PTPRN: variants seen among roughly 807,000 people sequenced by gnomAD.
The protein encoded by PTPRN is receptor-type tyrosine-protein phosphatase-like N.
In PTPRN, 70 loss-of-function variants were observed where a neutral mutation model predicts 108.5. The observed-to-expected ratio is 0.65, with a 90% CI of 0.53 to 0.79. The LOEUF (loss-of-function observed/expected upper bound fraction) is 0.79, where lower values mean the gene tolerates loss of function less well. Ranked by LOEUF, PTPRN falls within the 30% of genes least tolerant of loss-of-function variation. The pLI, the probability that PTPRN is intolerant of heterozygous loss-of-function variation, is 0.00. For missense variants in PTPRN, 1,136 were observed against 1,295.5 expected, an observed-to-expected ratio of 0.88 and a Z score of 1.89; for synonymous variants, 496 against 524.6, an observed-to-expected ratio of 0.95 and a Z score of 0.75.
rs147642686 is a variant in PTPRN at position 219,309,136 on chromosome 2, C to T, written c.115+82G>A. 218 of 1,459,786 alleles carry T rather than the reference C, an allele frequency of 1.5e-4. No homozygotes were observed. In the East Asian group the frequency reaches 3.9e-3, roughly 26 times the overall value. The allele number at this position is 1,459,786 out of a possible 1,614,324, so 90.4% of individuals were successfully genotyped here. A position where few individuals can be genotyped will look rare whatever the true frequency, so the allele number is the denominator to read the frequency against. On this transcript the variant is annotated intron_variant, in intron 1 of 22. Transcript: ENST00000295718. ...TCTCCCCGAGCTTCATGACATTTCA[C>T]CCTCACCCCCACCGAGTTTCGCTCC...
chr2:219,307,420 T>C, intron 3 of PTPRN, 24 bp downstream of exon 3: 1 of 1,594,402 alleles, frequency 6.3e-7, no homozygotes, highest in Non-Finnish European at 8.6e-7. Context: ...CCAATCTCTC[T>C]CCTCCAGTGC....
chr2:219,294,556 G>A (rs998139889), intron 19 of PTPRN, among the ~76,000 whole-genome samples: 1 of 152,058 alleles, frequency 6.6e-6, no homozygotes, highest in Non-Finnish European at 1.5e-5. Context: ...AGGCGGGAGT[G>A]AGAGACGGAG....
intron 19 of PTPRN, chr2:219,291,779 G>T: frequency 1.8e-6 from 1 of 558,258 alleles, no homozygotes; most frequent in Non-Finnish European, 3.2e-6. Flanking sequence ...ACCTCTTTGA[G>T]CCTCAGTTTT....
rs554511162 is a variant in PTPRN, at chr2:219,296,079, T to G, written c.2508+147A>C. On this transcript the variant is annotated intron_variant, in intron 18 of 22. Transcript: ENST00000295718. The surrounding 1 kb of genome is among the most constrained non-coding windows in gnomAD (Gnocchi z 6.0). The stretch of plus-strand genomic sequence containing the variant: ...GTATGCATATATGTGTTTATATATA[T>G]TCATATATGTATGAATCATGAGCAG... The G allele has an allele frequency of 8.9e-7, 1 of 1,120,610 alleles. No homozygotes were observed. Among genetic ancestry groups the G allele is most frequent in the African/African-American group, 1.6e-5 (1 of 64,296 alleles). 69.4% of individuals were successfully genotyped at this position (1,120,610 alleles called of 1,614,324 possible).
At chr2:219,294,849 A>G in intron 19 of PTPRN, 126 bp downstream of exon 19, 6 of 995,204 alleles carry the variant, frequency 6.0e-6, no homozygotes, top group Non-Finnish European at 8.2e-6. Context: ...TGGGGTCTGG[A>G]GCGGGCGGCC....
At chr2:219,300,395 A>T in intron 8 of PTPRN, 136 bp from the exon 9 acceptor site, 1 of 835,186 alleles carries the variant, frequency 1.2e-6, no homozygotes, top group Middle Eastern at 3.7e-4. Flanking sequence ...AGTGCTGGGT[A>T]CAGAGAGGAC....
intron 3 of PTPRN, among the ~76,000 whole-genome samples, chr2:219,304,491 CA>C (rs983823983): frequency 2.0e-5 from 3 of 152,014 alleles, no homozygotes; most frequent in East Asian, 1.9e-4. Flanking sequence ...CTCTTTCCCC[CA>C]AAAAAACTCT....
rs1047898336 is a variant in PTPRN at position 219,290,958 on chromosome 2, A to AGGAGGCCT, written c.2730-76_2730-69dup. 8 of 1,521,536 alleles carry AGGAGGCCT rather than the reference A, an allele frequency of 5.3e-6. No homozygotes were observed. The highest frequency in any genetic ancestry group is 2.2e-5 in the South Asian group (2 of 88,984). The allele number at this position is 1,521,536 out of a possible 1,614,324, so 94.3% of individuals were successfully genotyped here. A position where few individuals can be genotyped will look rare whatever the true frequency, so the allele number is the denominator to read the frequency against. The stretch of plus-strand genomic sequence containing the variant: ...GAAAGGGGGAGGGACGGAGGAGGCG[A>AGGAGGCCT]GGAGGCCTGGAGGCCTGGGGGAGGG... On this transcript the variant is annotated intron_variant, in intron 20 of 22. Transcript: ENST00000295718. This position sits in a 1 kb window ranked among gnomAD's most constrained non-coding sequence, Gnocchi z 4.2.
chr2:219,300,254 C>T lies in PTPRN; in HGVS notation c.1167G>A (p.Met389Ile). 2 of 1,566,234 alleles carry T rather than the reference C, an allele frequency of 1.3e-6. No homozygotes were observed. The highest frequency in any genetic ancestry group is 1.7e-6 in the Non-Finnish European group (2 of 1,154,746). ...TGTCTCTGCCCTCCACCGGCCCCTCCATTGTCTGTTCAGAAGAGGGTGGAG... is the reference window on the plus strand; with the variant it reads ...TGTCTCTGCCCTCCACCGGCCCCTCTATTGTCTGTTCAGAAGAGGGTGGAG... The part of the protein sequence containing the change: ...VNVGADIKKT[M>I]EGPVEGRDTA... The change falls in exon 9 of 23, where the codon ATG (methionine) becomes ATA (isoleucine). Residue 389 changes from methionine to isoleucine, a missense_variant. Transcript: ENST00000295718.
In PTPRN at chr2:219,302,292, T is replaced by C. The variant is rs1952370203; in HGVS notation, c.839A>G (p.Tyr280Cys). 2 of 1,614,082 alleles carry C rather than the reference T, an allele frequency of 1.2e-6. No homozygotes were observed. The highest frequency in any genetic ancestry group is 4.5e-5 in the East Asian group (2 of 44,864). The change falls in exon 6 of 23, where the codon TAT (tyrosine) becomes TGT (cysteine). Residue 280 changes from tyrosine (Y) to cysteine (C), a missense_variant. Tyr to Cys is a radical substitution (Grantham distance 194). Transcript: ENST00000295718. ...AQLFQDSGLL[Y>C]LAQELPAPSR... ...GGGTGCTGGCAACTCCTGGGCCAGA[T>C]AGAGCAGCCCAGAGTCTTGAAAAAG...
chr2:219,296,319 G>A lies in PTPRN; in HGVS notation c.2415C>T (p.Val805=), dbSNP rs749897635. The A allele has an allele frequency of 1.2e-6, 2 of 1,614,098 alleles. No homozygotes were observed. The highest frequency in any genetic ancestry group is 3.3e-5 in the Admixed American group (2 of 60,018). Residue 805 remains valine (V), a synonymous_variant, in exon 18 of 23, where the codon GTC becomes GTT. Coordinates refer to ENST00000295718, the MANE Select transcript of PTPRN (RefSeq NM_002846.4). The surrounding 1 kb of genome is among the most constrained non-coding windows in gnomAD (Gnocchi z 6.0). Reference sequence around the variant, plus strand: ...CCACCAGCGGGGTCAGCATGACGATGACGGTGCAGCCGCTCTCCCACACCA... The same window carrying A: ...CCACCAGCGGGGTCAGCATGACGATAACGGTGCAGCCGCTCTCCCACACCA... ...WQMVWESGCT[V]IVMLTPLVED...
intron 2 of PTPRN, 40 bp from the exon 3 acceptor site, chr2:219,307,597 A>C: frequency 6.3e-7 from 1 of 1,579,908 alleles, no homozygotes; most frequent in Non-Finnish European, 8.7e-7. Context: ...GGCTTGAATA[A>C]GAGGCCTTCC....
intron 5 of PTPRN, 35 bp from the exon 6 acceptor site, chr2:219,302,526 G>C (rs1461962912): frequency 6.2e-7 from 1 of 1,613,720 alleles, no homozygotes; most frequent in South Asian, 1.1e-5. Context: ...AAGAGCAGAA[G>C]TCCGGGCTGA....
Position 219,295,151 on chromosome 2 carries a change from A to G in PTPRN, c.2509-10T>C. 6.2e-7 allele frequency: 1 copy of G among 1,607,462 alleles called. No homozygotes were observed. Among genetic ancestry groups the G allele is most frequent in the Non-Finnish European group, 8.5e-7 (1 of 1,177,184 alleles). On this transcript the variant is annotated splice_polypyrimidine_tract_variant and intron_variant, in intron 18 of 22. Coordinates refer to ENST00000295718, the MANE Select transcript of PTPRN (RefSeq NM_002846.4). Reference sequence around the variant, plus strand: ...CCGACACCAGGTTCACCTGCCCGGCAGGGGCCCAGGCCTGAGCGCCGCGGG... The same window carrying G: ...CCGACACCAGGTTCACCTGCCCGGCGGGGGCCCAGGCCTGAGCGCCGCGGG...
rs151239344 is a variant in PTPRN at position 219,295,957 on chromosome 2, C to G, written c.2508+269G>C. The G allele has an allele frequency of 3.3e-4, 130 of 398,770 alleles. 1 individual carries two copies. The South Asian group carries it at 4.7e-3, about 14-fold the overall frequency. 24.7% of individuals were successfully genotyped at this position (398,770 alleles called of 1,614,324 possible). A position where few individuals can be genotyped will look rare whatever the true frequency, so the allele number is the denominator to read the frequency against. ...CCTTTATCATAAGTCTCTATGAACG[C>G]TTTTTGACTCTAGACAGGACACACA... On this transcript the variant is annotated intron_variant, in intron 18 of 22. Transcript: ENST00000295718.
At position 219,307,611 on chromosome 2, in the gene PTPRN, G is replaced by C. The variant is rs895503621; in HGVS notation, c.167-54C>G. On this transcript the variant is annotated intron_variant, in intron 2 of 22. Coordinates refer to ENST00000295718, the MANE Select transcript of PTPRN (RefSeq NM_002846.4). ...GGGCTTGAATAAGAGGCCTTCCAAAGTCCAGGTTGCAAATGGACTGTACTC... is the reference window on the plus strand; with the variant it reads ...GGGCTTGAATAAGAGGCCTTCCAAACTCCAGGTTGCAAATGGACTGTACTC... The C allele has an allele frequency of 1.9e-6, 3 of 1,548,826 alleles. No individual in the cohort carries two copies. The African/African-American group carries it at 4.1e-5, about 21-fold the overall frequency.
chr2:219,293,279 T>A (rs1559293212), intron 19 of PTPRN, among the ~76,000 whole-genome samples: 1 of 152,038 alleles, frequency 6.6e-6, no homozygotes, highest in African/African-American at 2.4e-5. Flanking sequence ...CTCCCAGGTT[T>A]AAGAGATTCT....
At chr2:219,300,676 C>T (rs577765788) in intron 8 of PTPRN, among the ~76,000 whole-genome samples, 1 of 152,290 alleles carries the variant, frequency 6.6e-6, no homozygotes, top group Admixed American at 6.5e-5. Context: ...TCGAAACTTC[C>T]CTCCTCCCCT....
intron 4 of PTPRN, 86 bp from the exon 5 acceptor site, chr2:219,302,923 G>A (rs1261281910): frequency 1.3e-6 from 2 of 1,504,172 alleles, no homozygotes; most frequent in African/African-American, 2.8e-5. Context: ...GGCCAGGCAG[G>A]CTCAGCGGTT....
Sources: allele counts gnomAD v4.1 joint callset (sites outside exome capture counted in the v4.1 genomes callset), GRCh38; gene constraint gnomAD v4.1.1; non-coding constraint Gnocchi (gnomAD v3.1); transcripts MANE v1.5; gene names NCBI Gene and HGNC (gene_info 2026-07-23, HGNC 2026-07-21).